The following PSD3 variants were observed in gnomAD, a reference collection of about 807,000 sequenced individuals.
PSD3 encodes the protein pleckstrin and Sec7 domain containing 3, also known as PH and SEC7 domain-containing protein 3.
In PSD3, 49 loss-of-function variants were observed where a neutral mutation model predicts 105.5. The ratio of observed to expected loss-of-function variants is 0.46; its 90% CI spans 0.37 to 0.59. PSD3 has a LOEUF of 0.59. Ranked by LOEUF, PSD3 falls within the 20% of genes least tolerant of loss-of-function variation. The pLI is 0.00. For missense variants in PSD3, 1,561 were observed against 1,263.8 expected (o/e 1.24, Z -3.57); for synonymous variants, 557 against 457.8 (o/e 1.22, Z -2.77).
In PSD3 at chr8:18,787,384, C is replaced by G. The variant is rs1184601693; in HGVS notation, c.2082+11911G>C. 2.6e-5 allele frequency among the ~76,000 whole-genome samples: 4 copies of G among 152,120 alleles called. No homozygotes were observed. The East Asian group carries it at 7.7e-4, about 29-fold the overall frequency. Reference sequence around the variant, plus strand: ...TGGTACCTTGAAATCAATATATTTTCTATCAAAACAGATGCAACTAAAGAT... The same window carrying G: ...TGGTACCTTGAAATCAATATATTTTGTATCAAAACAGATGCAACTAAAGAT... On this transcript the variant is annotated intron_variant, in intron 8 of 15. Coordinates refer to ENST00000327040, the MANE Select transcript of PSD3 (RefSeq NM_015310.4).
chr8:18,829,849 A>C (rs1813538041), intron 4 of PSD3, among the ~76,000 whole-genome samples: 1 of 152,232 alleles, frequency 6.6e-6, no homozygotes, highest in African/African-American at 2.4e-5. Context: ...CATTTTTAAA[A>C]GACAACCGTT....
intron 14 of PSD3, among the ~76,000 whole-genome samples, chr8:18,559,464 A>G (rs578139580): frequency 6.6e-6 from 1 of 152,220 alleles, no homozygotes; most frequent in African/African-American, 2.4e-5. Flanking sequence ...TAAAAAATAG[A>G]TTTGTATCAG....
intron 1 of PSD3, among the ~76,000 whole-genome samples, chr8:18,976,851 TC>T (rs1442346158): frequency 1.3e-5 from 2 of 152,172 alleles, no homozygotes; most frequent in African/African-American, 4.8e-5. Flanking sequence ...AATCAAATTG[TC>T]CATCAATAGT....
intron 8 of PSD3, among the ~76,000 whole-genome samples, chr8:18,770,419 G>C (rs1807411645): frequency 1.3e-5 from 2 of 151,818 alleles, no homozygotes; most frequent in Non-Finnish European, 1.5e-5. Context: ...CATTCTGTGG[G>C]TCTTTTCATT....
chr8:18,569,342 A>G (rs1309803795), intron 14 of PSD3, among the ~76,000 whole-genome samples: 2 of 139,526 alleles, frequency 1.4e-5, no homozygotes, highest in African/African-American at 5.4e-5. Context: ...AAGTGTTCCT[A>G]TTTCTCCACA....
intron 1 of PSD3, among the ~76,000 whole-genome samples, chr8:18,982,758 C>T (rs1365519893): frequency 6.6e-6 from 1 of 152,206 alleles, no homozygotes; most frequent in Admixed American, 6.5e-5. Flanking sequence ...GTAAACCATG[C>T]TGCTAATAGA....
At chr8:18,648,178 G>C (rs373012003) in intron 10 of PSD3, among the ~76,000 whole-genome samples, 13 of 152,326 alleles carry the variant, frequency 8.5e-5, no homozygotes, top group African/African-American at 3.1e-4. Context: ...TGGGTAATGG[G>C]CAGAGGTTGG....
intron 1 of PSD3, among the ~76,000 whole-genome samples, chr8:18,976,474 CT>C: frequency 6.6e-6 from 1 of 152,300 alleles, no homozygotes; most frequent in African/African-American, 2.4e-5. Flanking sequence ...AATACCAAGG[CT>C]TTCTCCATCT....
intron 4 of PSD3, among the ~76,000 whole-genome samples, chr8:18,859,087 C>T (rs1180488913): frequency 6.6e-6 from 1 of 152,164 alleles, no homozygotes; most frequent in Non-Finnish European, 1.5e-5. Context: ...AAAATTACTC[C>T]TCGATCCATG....
chr8:18,686,529 G>T (rs947729539), intron 9 of PSD3, among the ~76,000 whole-genome samples: 6 of 152,256 alleles, frequency 3.9e-5, no homozygotes, highest in South Asian at 4.1e-4. Context: ...AGAGTGAAGA[G>T]AACTCCTACA....
At chr8:19,079,891 CTT>C (rs11462511) in intron 1 of PSD3, among the ~76,000 whole-genome samples, 5 of 136,484 alleles carry the variant, frequency 3.7e-5, no homozygotes, top group Non-Finnish European at 4.7e-5. Flanking sequence ...AAGAAAATAG[CTT>C]TTTTTTTTTT....
At chr8:18,888,935 G>C (rs1423894389) in intron 2 of PSD3, among the ~76,000 whole-genome samples, 1 of 152,120 alleles carries the variant, frequency 6.6e-6, no homozygotes, top group Non-Finnish European at 1.5e-5. Flanking sequence ...GGAATTGTGA[G>C]CATCCCATAA....
chr8:18,541,460 A>C (rs1387045572), intron 15 of PSD3, among the ~76,000 whole-genome samples: 1 of 152,190 alleles, frequency 6.6e-6, no homozygotes, highest in Non-Finnish European at 1.5e-5. Context: ...CTGGGAACAC[A>C]CCTTTATCTT....
chr8:18,718,711 T>C (rs1472519141), intron 9 of PSD3, among the ~76,000 whole-genome samples: 1 of 152,064 alleles, frequency 6.6e-6, no homozygotes, highest in African/African-American at 2.4e-5. Flanking sequence ...CTTTAGGAGA[T>C]GACATATGGT....
rs568089489 is a variant in PSD3 at position 18,903,693 on chromosome 8, C to T, written c.131-30960G>A. Among the ~76,000 whole-genome samples the T allele has an allele frequency of 9.8e-5, 15 of 152,330 alleles. No homozygotes were observed. In the South Asian group the frequency reaches 3.1e-3, roughly 32 times the overall value. ...TACCCCAGGGACCAATGTGCTCCTT[C>T]AGCTCAGGCCTGGGGGCCTTGACTG... On this transcript the variant is annotated intron_variant, in intron 2 of 15. Transcript: ENST00000327040.
At chr8:18,617,262 C>T (rs547956665) in intron 11 of PSD3, among the ~76,000 whole-genome samples, 26 of 152,056 alleles carry the variant, frequency 1.7e-4, no homozygotes, top group East Asian at 7.7e-4. Context: ...CGGGCATGGT[C>T]GCTCATACCT....
intron 12 of PSD3, among the ~76,000 whole-genome samples, chr8:18,586,649 T>C (rs1175565778): frequency 6.6e-6 from 1 of 152,144 alleles, no homozygotes; most frequent in African/African-American, 2.4e-5. Context: ...ATGGCTGGAA[T>C]TGCCAGCCAT....
intron 14 of PSD3, among the ~76,000 whole-genome samples, chr8:18,569,055 C>T (rs1401233342): frequency 4.3e-4 from 58 of 134,246 alleles, no homozygotes; most frequent in African/African-American, 1.4e-3. Context: ...TTTATGGCTG[C>T]GTAGTATTCC....
At chr8:18,627,068 T>C (rs1480196289) in intron 11 of PSD3, among the ~76,000 whole-genome samples, 1 of 152,078 alleles carries the variant, frequency 6.6e-6, no homozygotes, top group East Asian at 1.9e-4. Flanking sequence ...AAAAAGTCTA[T>C]GTAAGTATAT....
Sources: gnomAD v4.1 joint callset for allele counts (sites outside exome capture counted in the v4.1 genomes callset) on GRCh38, gnomAD v4.1.1 for gene constraint, MANE v1.5 for transcripts, NCBI Gene and HGNC (gene_info 2026-07-23, HGNC 2026-07-21) for gene names.